XRCC1: variants seen among roughly 807,000 people sequenced by gnomAD.
XRCC1 encodes X-ray repair cross complementing 1.
A neutral mutation model predicts 83.3 loss-of-function variants in XRCC1; 52 were observed. The ratio of observed to expected loss-of-function variants is 0.62; its 90% CI spans 0.50 to 0.79. The LOEUF is 0.79. Among genes scored for constraint, XRCC1 ranks in the 30% least tolerant of loss-of-function variants. The pLI, the probability that XRCC1 is intolerant of heterozygous loss-of-function variation, is 0.00. For missense variants in XRCC1, 793 were observed against 823.5 expected (o/e 0.96, Z 0.45); for synonymous variants, 281 against 312.6 (o/e 0.90, Z 1.07).
intron 2 of XRCC1, among the ~76,000 whole-genome samples, chr19:43,566,802 C>T (rs2146068174): frequency 6.9e-6 from 1 of 143,970 alleles, no homozygotes; most frequent in African/African-American, 2.6e-5. Flanking sequence ...TCACTTGAAC[C>T]TGGGAAGCAG....
At chr19:43,570,404 T>C (rs1176235224) in intron 2 of XRCC1, among the ~76,000 whole-genome samples, 1 of 152,214 alleles carries the variant, frequency 6.6e-6, no homozygotes, top group Middle Eastern at 3.2e-3. Flanking sequence ...TGTGGGGCTG[T>C]CATAAGCAGA....
At chr19:43,572,916 TG>T in intron 2 of XRCC1, among the ~76,000 whole-genome samples, 1 of 148,832 alleles carries the variant, frequency 6.7e-6, no homozygotes, top group South Asian at 2.1e-4. Context: ...ATCCTAAAAC[TG>T]AGATCTTTTC....
intron 3 of XRCC1, among the ~76,000 whole-genome samples, chr19:43,559,868 C>T (rs1350024047): frequency 1.3e-5 from 2 of 150,778 alleles, no homozygotes; most frequent in African/African-American, 4.9e-5. Context: ...TCACTTGAGC[C>T]CAGGAGTTTG....
chr19:43,555,257 T>G (rs1185216083), intron 3 of XRCC1: 2 of 153,068 alleles, frequency 1.3e-5, no homozygotes, highest in Admixed American at 1.3e-4. Flanking sequence ...AAGTGATTGT[T>G]TCTCAGCTCA....
chr19:43,546,854 C>A (rs373262491), intron 11 of XRCC1, 30 bp downstream of exon 11: 38 of 1,611,398 alleles, frequency 2.4e-5, no homozygotes, highest in Non-Finnish European at 3.0e-5. Context: ...TCCCACTACA[C>A]CCTCCCCCAC....
intron 4 of XRCC1, among the ~76,000 whole-genome samples, chr19:43,554,406 C>T (rs1972613883): frequency 6.6e-6 from 1 of 152,060 alleles, no homozygotes; most frequent in African/African-American, 2.4e-5. Context: ...CAGTTCCCCT[C>T]CTCCGATTCC....
intron 2 of XRCC1, among the ~76,000 whole-genome samples, chr19:43,568,451 C>T (rs368966671): frequency 1.3e-5 from 2 of 151,852 alleles, no homozygotes; most frequent in Non-Finnish European, 2.9e-5. Context: ...GAGCCACGAT[C>T]GCACTACTAC....
intron 13 of XRCC1, 42 bp downstream of exon 13, chr19:43,546,010 A>G (rs2146042227): frequency 6.2e-7 from 1 of 1,613,662 alleles, no homozygotes; most frequent in African/African-American, 1.3e-5. Flanking sequence ...CCTCCCCTAC[A>G]CCCAAGGCCA....
intron 2 of XRCC1, among the ~76,000 whole-genome samples, chr19:43,569,410 A>G (rs3213277): frequency 0.073 from 10,939 of 150,408 alleles, 606 homozygotes; most frequent in East Asian, 0.29. Flanking sequence ...CGGGAGGTCG[A>G]GCCTGTAGTG....
chr19:43,545,862 T>C lies in XRCC1; in HGVS notation c.1577A>G (p.Glu526Gly). ...AGSTDENTDS[E>G]EHQEPPDLPV... is the part of the protein sequence containing the mutation. ...CAGATCAGGAGGCTCCTGGTGTTCC[T>C]CACTGTCCGTGTTCTCATCCGTGGA... is the stretch of plus-strand genomic sequence containing the variant. The change falls in exon 14 of 17, where the codon GAG (glutamate) becomes GGG (glycine). Residue 526 changes from glutamate to glycine, a missense_variant. Coordinates refer to ENST00000262887, the MANE Select transcript of XRCC1 (RefSeq NM_006297.3). 6.2e-7 allele frequency: 1 copy of C among 1,613,928 alleles called. No individual in the cohort carries two copies. Among genetic ancestry groups the C allele is most frequent in the Non-Finnish European group, 8.5e-7 (1 of 1,179,884 alleles).
rs1290042725 is a variant in XRCC1 at position 43,574,894 on chromosome 19, G to C, written c.144+16C>G. On this transcript the variant is annotated intron_variant, in intron 2 of 16. Coordinates refer to ENST00000262887, the MANE Select transcript of XRCC1 (RefSeq NM_006297.3). The stretch of plus-strand genomic sequence containing the variant: ...TCCAGACTCCTAGTGAGGAGGAGGT[G>C]GGGTGGCAGGATCACCTGTAGGACC... 1.9e-6 allele frequency: 3 copies of C among 1,606,932 alleles called. No individual in the cohort carries two copies. The Admixed American group carries it at 5.0e-5, about 27-fold the overall frequency.
rs747894594 is a variant in XRCC1, at chr19:43,543,376, GTGTA to G, written c.*12_*15del. On this transcript the variant is annotated 3_prime_UTR_variant, in exon 17 of 17. Coordinates refer to ENST00000262887, the MANE Select transcript of XRCC1 (RefSeq NM_006297.3). ...TGTGTGTGTGTGTGTGTGTGTGTGT[GTGTA>G]TAGCACATACTTCAGGCTTGCGGCA... is the stretch of plus-strand genomic sequence containing the variant. 455 of 1,421,840 alleles carry G rather than the reference GTGTA, an allele frequency of 3.2e-4. No individual in the cohort carries two copies. Among genetic ancestry groups the G allele is most frequent in the Non-Finnish European group, 4.3e-4 (436 of 1,015,766 alleles). The allele number at this position is 1,421,840 out of a possible 1,614,324, so 88.1% of individuals were successfully genotyped here.
intron 2 of XRCC1, among the ~76,000 whole-genome samples, chr19:43,567,184 T>C (rs1972761847): frequency 6.6e-6 from 1 of 152,102 alleles, no homozygotes; most frequent in African/African-American, 2.4e-5. Flanking sequence ...AGTGACTGTT[T>C]AATGGTTATG....
At chr19:43,549,618 G>A (rs1223628712) in intron 10 of XRCC1, among the ~76,000 whole-genome samples, 1 of 152,018 alleles carries the variant, frequency 6.6e-6, no homozygotes, top group South Asian at 2.1e-4. Flanking sequence ...GTGCAGCGGT[G>A]CAATCATGGC....
intron 3 of XRCC1, chr19:43,555,025 G>C: frequency 5.1e-6 from 2 of 395,294 alleles, no homozygotes; most frequent in Non-Finnish European, 9.0e-6. Flanking sequence ...AGATGTGAGC[G>C]ACCCTTATCT....
chr19:43,563,259 G>A lies in XRCC1; in HGVS notation c.145-2239C>T, dbSNP rs143818462. Reference sequence around the variant, plus strand: ...ACCAGCACTTTGGGAGGCTGAGACAGGTGAATCGCTTGAGGTCAGGAGTTT... The same window carrying A: ...ACCAGCACTTTGGGAGGCTGAGACAAGTGAATCGCTTGAGGTCAGGAGTTT... On this transcript the variant is annotated intron_variant, in intron 2 of 16. Transcript: ENST00000262887. Among the ~76,000 whole-genome samples the A allele has an allele frequency of 3.5e-3, 536 of 152,326 alleles. 1 individual carries two copies. Among genetic ancestry groups the A allele is most frequent in the Non-Finnish European group, 5.9e-3 (401 of 68,032 alleles).
At chr19:43,560,325 G>A (rs1972684729) in intron 3 of XRCC1, among the ~76,000 whole-genome samples, 1 of 151,902 alleles carries the variant, frequency 6.6e-6, no homozygotes. Flanking sequence ...GAACCCGGGA[G>A]GCAGAGGTTG....
Position 43,574,954 on chromosome 19 carries a change from G to A in XRCC1, c.100C>T (p.Arg34Trp), listed in dbSNP as rs552435216. The change falls in exon 2 of 17, where the codon CGG (arginine) becomes TGG (tryptophan). Residue 34 changes from arginine (R) to tryptophan (W), a missense_variant. Coordinates refer to ENST00000262887, the MANE Select transcript of XRCC1 (RefSeq NM_006297.3). ...LLKADTYRKW[R>W]AAKAGEKTIS... Reference sequence around the variant, plus strand: ...GTCTTCTCGCCTGCCTTGGCTGCCCGCCATTTTCGGTAAGTGTCTGCCTTG... The same window carrying A: ...GTCTTCTCGCCTGCCTTGGCTGCCCACCATTTTCGGTAAGTGTCTGCCTTG... 1.9e-6 allele frequency: 3 copies of A among 1,614,152 alleles called. No homozygotes were observed. Among genetic ancestry groups the A allele is most frequent in the African/African-American group, 1.3e-5 (1 of 75,048 alleles).
chr19:43,553,098 A>C lies in XRCC1; in HGVS notation c.602-7T>G. ...GCTGGGTCGCTGGCTGTGACTATGAAGGGAGAAAGTGGATCCAGGATGAGA... is the reference window on the plus strand; with the variant it reads ...GCTGGGTCGCTGGCTGTGACTATGACGGGAGAAAGTGGATCCAGGATGAGA... On this transcript the variant is annotated splice_region_variant and splice_polypyrimidine_tract_variant and intron_variant, in intron 6 of 16. Transcript: ENST00000262887. 1 of 1,561,114 alleles carries C rather than the reference A, an allele frequency of 6.4e-7. No individual in the cohort carries two copies. Among genetic ancestry groups the C allele is most frequent in the Non-Finnish European group, 8.7e-7 (1 of 1,152,424 alleles).
Sources: gnomAD v4.1 joint callset for allele counts (sites outside exome capture counted in the v4.1 genomes callset) on GRCh38, gnomAD v4.1.1 for gene constraint, MANE v1.5 for transcripts, NCBI Gene and HGNC (gene_info 2026-07-23, HGNC 2026-07-21) for gene names.